The following GPR161 variants were observed in gnomAD, a reference collection of about 807,000 sequenced individuals.
The protein encoded by GPR161 is G-protein coupled receptor RE2.
Under a neutral mutation model 39.2 loss-of-function variants are expected in GPR161, and 25 were observed. The ratio of observed to expected loss-of-function variants is 0.64; its 90% CI spans 0.47 to 0.89. GPR161 has a LOEUF of 0.89. Among genes scored for constraint, GPR161 ranks in the 40% least tolerant of loss-of-function variants. The pLI is 0.00. For missense variants in GPR161, 547 were observed against 677.8 expected, an observed-to-expected ratio of 0.81 and a Z score of 2.14; for synonymous variants, 286 against 276.6, an observed-to-expected ratio of 1.03 and a Z score of -0.34.
Position 168,085,400 on chromosome 1 carries a change from G to A in GPR161, c.*131C>T. 2 of 796,054 alleles carry A rather than the reference G, an allele frequency of 2.5e-6. No homozygotes were observed. Among genetic ancestry groups the A allele is most frequent in the East Asian group, 2.5e-5 (1 of 40,272 alleles). The allele number at this position is 796,054 out of a possible 1,614,324, so 49.3% of individuals were successfully genotyped here. On this transcript the variant is annotated 3_prime_UTR_variant, in exon 6 of 6. Coordinates refer to ENST00000682931, the MANE Select transcript of GPR161 (RefSeq NM_001375883.1). ...TCCTTGTCCTGGTGGCTGCATACCAGATGCTGCTCCTTCCCTGTGTGTGGC... is the reference window on the plus strand; with the variant it reads ...TCCTTGTCCTGGTGGCTGCATACCAAATGCTGCTCCTTCCCTGTGTGTGGC...
In GPR161 at chr1:168,083,069, CTTCT is replaced by C. The variant is rs1213877788; in HGVS notation, c.*2458_*2461del. The C allele has an allele frequency of 6.6e-6, 1 of 152,222 alleles. No individual in the cohort carries two copies. Among genetic ancestry groups the C allele is most frequent in the African/African-American group, 2.4e-5 (1 of 41,430 alleles). 9.4% of individuals were successfully genotyped at this position (152,222 alleles called of 1,614,324 possible). ...ATACCCACCTCCCTCTGAAGCCACA[CTTCT>C]TTCTATAACCACGACTTGACTTTGC... On this transcript the variant is annotated 3_prime_UTR_variant, in exon 6 of 6. Transcript: ENST00000682931.
chr1:168,104,969 G>T, intron 1 of GPR161, 75 bp from the exon 2 acceptor site: 1 of 1,148,456 alleles, frequency 8.7e-7, no homozygotes, highest in Non-Finnish European at 1.2e-6. Context: ...AGGGAAGAAA[G>T]GCTTAAAGGG....
At chr1:168,099,835 T>TG (rs1558104423) in intron 2 of GPR161, among the ~76,000 whole-genome samples, 8 of 109,766 alleles carry the variant, frequency 7.3e-5, no homozygotes, top group Admixed American at 8.6e-5. Flanking sequence ...AGTTTTTTTT[T>TG]TGGGGGGGGG....
chr1:168,137,299 A>G, upstream of GPR161: 1 of 1,527,068 alleles, frequency 6.5e-7, no homozygotes, highest in Non-Finnish European at 8.8e-7. Context: ...TCACACAGAC[A>G]CTTTCAGATT....
At chr1:168,115,054 C>T (rs144629390) in intron 1 of GPR161, among the ~76,000 whole-genome samples, 29 of 152,084 alleles carry the variant, frequency 1.9e-4, no homozygotes, top group Admixed American at 3.9e-4. Flanking sequence ...AAATACGAAC[C>T]CAGGGTTGTA....
intron 1 of GPR161, among the ~76,000 whole-genome samples, chr1:168,123,489 T>C (rs1024143897): frequency 6.6e-6 from 1 of 151,344 alleles, no homozygotes; most frequent in African/African-American, 2.4e-5. Flanking sequence ...TGTCTATCTA[T>C]CTATCTATAT....
intron 1 of GPR161, among the ~76,000 whole-genome samples, chr1:168,111,947 T>C (rs981465619): frequency 2.8e-5 from 4 of 141,872 alleles, no homozygotes; most frequent in South Asian, 2.2e-4. Flanking sequence ...GTGAGATAAA[T>C]AGTAGACTCT....
At chr1:168,113,583 C>T (rs1339396795) in intron 1 of GPR161, among the ~76,000 whole-genome samples, 3 of 152,156 alleles carry the variant, frequency 2.0e-5, no homozygotes, top group Non-Finnish European at 4.4e-5. Flanking sequence ...GTAATCAGTC[C>T]AAGTGCCCAT....
chr1:168,106,973 T>A (rs1174986290), intron 1 of GPR161, among the ~76,000 whole-genome samples: 1 of 152,170 alleles, frequency 6.6e-6, no homozygotes. Context: ...TTAATTAACG[T>A]CTCAAAGTTT....
Position 168,132,587 on chromosome 1 carries a change from C to CA in GPR161, c.-45+4151dup, listed in dbSNP as rs1160404142. Among the ~76,000 whole-genome samples the CA allele has an allele frequency of 9.8e-3, 765 of 78,438 alleles. 4 individuals are homozygous for CA. The highest frequency in any genetic ancestry group is 0.024 in the African/African-American group (523 of 22,010). The allele number at this position is 78,438 out of a possible 152,430, so 51.5% of individuals were successfully genotyped here. ...TGGGTGACTGAGCAAGACTCCGTCT[C>CA]AAAAAAAAAAAAAAGAAAAAAAGAA... On this transcript the variant is annotated intron_variant, in intron 1 of 5. Coordinates refer to ENST00000682931, the MANE Select transcript of GPR161 (RefSeq NM_001375883.1).
In GPR161 at chr1:168,097,252, A is replaced by T. The variant is rs930049796; in HGVS notation, c.375-20T>A. Reference sequence around the variant, plus strand: ...TAGTAGCTAGAAAAGGGATGGAGGGAGGCAAGAGAGAGAAGTCAGCGGAGA... The same window carrying T: ...TAGTAGCTAGAAAAGGGATGGAGGGTGGCAAGAGAGAGAAGTCAGCGGAGA... On this transcript the variant is annotated intron_variant, in intron 2 of 5. Transcript: ENST00000682931. 1.9e-6 allele frequency: 3 copies of T among 1,591,106 alleles called. No individual in the cohort carries two copies. The highest frequency in any genetic ancestry group is 1.7e-4 in the Middle Eastern group (1 of 5,908).
At chr1:168,123,135 A>C (rs1367123186) in intron 1 of GPR161, among the ~76,000 whole-genome samples, 1 of 152,198 alleles carries the variant, frequency 6.6e-6, no homozygotes, top group Admixed American at 6.5e-5. Context: ...GTGGGGTACC[A>C]AATGTGCCTA....
At position 168,086,366 on chromosome 1, in the gene GPR161, G is replaced by A. The variant is rs534357532; in HGVS notation, c.1325-570C>T. Among the ~76,000 whole-genome samples the A allele has an allele frequency of 5.9e-5, 9 of 152,294 alleles. No individual in the cohort carries two copies. The South Asian group carries it at 1.9e-3, about 32-fold the overall frequency. On this transcript the variant is annotated intron_variant, in intron 5 of 5. Coordinates refer to ENST00000682931, the MANE Select transcript of GPR161 (RefSeq NM_001375883.1). ...TAAAACGAACAGAAGTGAGAGGGGG[G>A]AGCCCTTCAATTTCACACCCTGTTC... is the stretch of plus-strand genomic sequence containing the variant.
chr1:168,111,104 A>G (rs1465534668), intron 1 of GPR161, among the ~76,000 whole-genome samples: 1 of 152,260 alleles, frequency 6.6e-6, no homozygotes, highest in Non-Finnish European at 1.5e-5. Flanking sequence ...ATGATGTAAT[A>G]AAAGTCAAAA....
chr1:168,091,068 G>T (rs773073706), intron 3 of GPR161, among the ~76,000 whole-genome samples: 6 of 152,208 alleles, frequency 3.9e-5, no homozygotes, highest in Non-Finnish European at 7.3e-5. Context: ...ATTTTTAAGA[G>T]GCTTACACCC....
rs982808737 is a variant in GPR161, at chr1:168,099,182, G to A, written c.375-1950C>T. On this transcript the variant is annotated intron_variant, in intron 2 of 5. Coordinates refer to ENST00000682931, the MANE Select transcript of GPR161 (RefSeq NM_001375883.1). The stretch of plus-strand genomic sequence containing the variant: ...CACTGGCCCTTTTGAGCCCTGGGGG[G>A]CGAACAAGCCCCATGGTGGTCTTCT... Among the ~76,000 whole-genome samples, 3 of 152,284 alleles carry A rather than the reference G, an allele frequency of 2.0e-5. No homozygotes were observed. The East Asian group carries it at 5.8e-4, about 29-fold the overall frequency.
rs751471065 is a variant in GPR161 at position 168,084,690 on chromosome 1, C to T, written c.*841G>A. 3 of 375,132 alleles carry T rather than the reference C, an allele frequency of 8.0e-6. No homozygotes were observed. The highest frequency in any genetic ancestry group is 1.6e-5 in the Non-Finnish European group (3 of 193,186). The allele number at this position is 375,132 out of a possible 1,614,324, so 23.2% of individuals were successfully genotyped here. A position where few individuals can be genotyped will look rare whatever the true frequency, so the allele number is the denominator to read the frequency against. ...GTGAACAAATTCCCTTCCATAATAA[C>T]AGTTTCTCTATTTCCTGGCTGTGCT... On this transcript the variant is annotated 3_prime_UTR_variant, in exon 6 of 6. Transcript: ENST00000682931.
intron 1 of GPR161, chr1:168,118,644 A>G (rs1697838232): frequency 6.6e-6 from 1 of 152,206 alleles, no homozygotes; most frequent in Admixed American, 6.5e-5. Flanking sequence ...AGGCTGAGGC[A>G]GGAGAATCGC....
At chr1:168,123,576 AC>A (rs922760535) in intron 1 of GPR161, among the ~76,000 whole-genome samples, 1 of 142,698 alleles carries the variant, frequency 7.0e-6, no homozygotes, top group African/African-American at 2.6e-5. Flanking sequence ...ACACACACAC[AC>A]ACTTGTTTGC....
Sources: gnomAD v4.1 joint callset for allele counts (sites outside exome capture counted in the v4.1 genomes callset) on GRCh38, gnomAD v4.1.1 for gene constraint, MANE v1.5 for transcripts, NCBI Gene and HGNC (gene_info 2026-07-23, HGNC 2026-07-21) for gene names.